Variants in LDLRAD3 observed in about 807,000 individuals in gnomAD.
LDLRAD3 encodes low density lipoprotein receptor class A domain containing 3, also known as low-density lipoprotein receptor class A domain-containing protein 3.
A neutral mutation model predicts 29.4 loss-of-function variants in LDLRAD3; 20 were observed. The observed-to-expected ratio is 0.68, with a 90% CI of 0.48 to 0.99. The LOEUF (loss-of-function observed/expected upper bound fraction) is 0.99. Among genes scored for constraint, LDLRAD3 ranks in the 50% least tolerant of loss-of-function variants. LDLRAD3 has a pLI of 0.00. For synonymous variants in LDLRAD3, 157 were observed against 192.7 expected (o/e 0.81, Z 1.53); for missense variants, 420 against 454.3 (o/e 0.92, Z 0.69).
chr11:35,978,774 T>C (rs1851505457), intron 1 of LDLRAD3, among the ~76,000 whole-genome samples: 1 of 152,208 alleles, frequency 6.6e-6, no homozygotes, highest in South Asian at 2.1e-4. Flanking sequence ...TTTAAACACC[T>C]GCATTCAGAG....
intron 1 of LDLRAD3, among the ~76,000 whole-genome samples, chr11:35,989,741 G>T (rs1436282911): frequency 6.6e-6 from 1 of 152,108 alleles, no homozygotes; most frequent in African/African-American, 2.4e-5. Context: ...ACTGATTTTT[G>T]TACATTGATT....
At chr11:35,991,740 T>G (rs750789320) in intron 1 of LDLRAD3, among the ~76,000 whole-genome samples, 1 of 152,212 alleles carries the variant, frequency 6.6e-6, no homozygotes, top group African/African-American at 2.4e-5. Context: ...AGCTAAATTA[T>G]TAATGCAGGT....
intron 1 of LDLRAD3, among the ~76,000 whole-genome samples, chr11:35,951,877 C>T (rs1470664187): frequency 2.0e-5 from 3 of 152,188 alleles, no homozygotes; most frequent in African/African-American, 7.2e-5. Flanking sequence ...ACCAATAAAT[C>T]ACAGCTTCCG....
chr11:36,224,345 C>T (rs1855469860), intron 4 of LDLRAD3, among the ~76,000 whole-genome samples: 1 of 152,048 alleles, frequency 6.6e-6, no homozygotes, highest in South Asian at 2.1e-4. Context: ...GCAGTGGCTC[C>T]AGGATTCCCC....
chr11:36,170,294 A>G (rs947966580), intron 4 of LDLRAD3, among the ~76,000 whole-genome samples: 1 of 117,410 alleles, frequency 8.5e-6, no homozygotes, highest in Non-Finnish European at 1.7e-5. Context: ...ATATATACAC[A>G]CATATATATA....
At chr11:36,134,503 A>G (rs1303756170) in intron 4 of LDLRAD3, among the ~76,000 whole-genome samples, 2 of 152,144 alleles carry the variant, frequency 1.3e-5, no homozygotes, top group African/African-American at 4.8e-5. Flanking sequence ...AGAGCTCTCA[A>G]GCTTTGAGAG....
chr11:36,130,334 G>A (rs551194962), intron 4 of LDLRAD3, among the ~76,000 whole-genome samples: 16 of 152,190 alleles, frequency 1.1e-4, no homozygotes, highest in Non-Finnish European at 2.4e-4. Context: ...TGACGGGATA[G>A]AACTCACAAA....
intron 4 of LDLRAD3, among the ~76,000 whole-genome samples, chr11:36,179,370 A>G (rs1194025743): frequency 1.3e-5 from 2 of 152,162 alleles, no homozygotes; most frequent in Non-Finnish European, 2.9e-5. Context: ...GCTACTTGAG[A>G]GGCTGAGGTA....
At chr11:36,020,097 C>T (rs1176839464) in intron 1 of LDLRAD3, among the ~76,000 whole-genome samples, 2 of 152,096 alleles carry the variant, frequency 1.3e-5, no homozygotes, top group Non-Finnish European at 2.9e-5. Context: ...GTTCTGGAGG[C>T]AAGCTTTTAC....
chr11:36,019,035 G>A (rs974111502), intron 1 of LDLRAD3, among the ~76,000 whole-genome samples: 1 of 152,106 alleles, frequency 6.6e-6, no homozygotes, highest in Non-Finnish European at 1.5e-5. Context: ...AAAAGACCAA[G>A]TACTTCTTCT....
At chr11:36,132,109 T>C (rs1379288560) in intron 4 of LDLRAD3, among the ~76,000 whole-genome samples, 1 of 152,142 alleles carries the variant, frequency 6.6e-6, no homozygotes, top group Non-Finnish European at 1.5e-5. Flanking sequence ...TAAAATTCAT[T>C]TCATTAGCAG....
chr11:36,039,473 A>C (rs1304114336), intron 2 of LDLRAD3, among the ~76,000 whole-genome samples: 1 of 152,194 alleles, frequency 6.6e-6, no homozygotes. Context: ...CCTCCTCTCC[A>C]AAATGGGGGT....
chr11:36,082,539 C>T (rs923130343), intron 3 of LDLRAD3, among the ~76,000 whole-genome samples: 4 of 152,166 alleles, frequency 2.6e-5, no homozygotes, highest in African/African-American at 7.2e-5. Flanking sequence ...TAGTTGTATG[C>T]ATACTATAAA....
chr11:35,956,987 G>A (rs548974061), intron 1 of LDLRAD3, among the ~76,000 whole-genome samples: 8 of 152,274 alleles, frequency 5.3e-5, no homozygotes, highest in African/African-American at 1.7e-4. Flanking sequence ...CGCCTGTCTC[G>A]GCCTCCCAAA....
intron 4 of LDLRAD3, among the ~76,000 whole-genome samples, chr11:36,166,592 A>T (rs1273576108): frequency 6.6e-6 from 1 of 152,170 alleles, no homozygotes; most frequent in African/African-American, 2.4e-5. Flanking sequence ...ACTTATTTCA[A>T]ATTTCCCTGT....
chr11:36,173,546 A>G (rs1024222227), intron 4 of LDLRAD3, among the ~76,000 whole-genome samples: 7 of 151,932 alleles, frequency 4.6e-5, no homozygotes, highest in Non-Finnish European at 1.0e-4. Flanking sequence ...ATAGTATTCC[A>G]TGGTGTATAT....
Position 36,213,014 on chromosome 11 carries a change from T to C in LDLRAD3, c.455-14071T>C, listed in dbSNP as rs1855303999. ...TGTCTACTTCATTCGGTCTTCAGTT[T>C]AGAACTTTCTTCTCTCTCTGTCTCT... On this transcript the variant is annotated intron_variant, in intron 4 of 5. Transcript: ENST00000315571. The surrounding 1 kb of genome is among the most constrained non-coding windows in gnomAD (Gnocchi z 4.1). Among the ~76,000 whole-genome samples the C allele has an allele frequency of 6.6e-6, 1 of 152,020 alleles. No homozygotes were observed. Among genetic ancestry groups the C allele is most frequent in the South Asian group, 2.1e-4 (1 of 4,816 alleles).
intron 1 of LDLRAD3, among the ~76,000 whole-genome samples, chr11:35,964,185 T>TAGGAACACTAGTAGGA (rs1247503219): frequency 6.6e-6 from 1 of 152,200 alleles, no homozygotes; most frequent in Non-Finnish European, 1.5e-5. Context: ...GGAACACTCC[T>TAGGAACACTAGTAGGA]ACTACTAACC....
chr11:36,192,513 C>A (rs187082117), intron 4 of LDLRAD3, among the ~76,000 whole-genome samples: 1 of 152,310 alleles, frequency 6.6e-6, no homozygotes, highest in African/African-American at 2.4e-5. Context: ...GAAGTGCCAT[C>A]TAAATGGGTT....
Sources: gnomAD v4.1 joint callset for allele counts (sites outside exome capture counted in the v4.1 genomes callset) on GRCh38, gnomAD v4.1.1 for gene constraint, Gnocchi (gnomAD v3.1) non-coding constraint, MANE v1.5 for transcripts, NCBI Gene and HGNC (gene_info 2026-07-23, HGNC 2026-07-21) for gene names.